EIF3H: variants seen among roughly 807,000 people sequenced by gnomAD.
The protein encoded by EIF3H is eIF-3-gamma.
A neutral mutation model predicts 44.2 loss-of-function variants in EIF3H; 26 were observed. The observed-to-expected ratio is 0.59, with a 90% CI of 0.43 to 0.82. EIF3H has a LOEUF of 0.82. Ranked by LOEUF, EIF3H falls within the 40% of genes least tolerant of loss-of-function variation. EIF3H has a pLI of 0.00. For synonymous variants in EIF3H, 166 were observed against 151.9 expected (o/e 1.09, Z -0.68); for missense variants, 359 against 432.8 (o/e 0.83, Z 1.51).
intron 1 of EIF3H, among the ~76,000 whole-genome samples, chr8:116,739,457 T>C (rs201857545): frequency 6.6e-6 from 1 of 152,174 alleles, no homozygotes; most frequent in Non-Finnish European, 1.5e-5. Context: ...GAGACCATCC[T>C]GGCTAAAACG....
At chr8:116,746,543 G>C (rs922373660) in intron 1 of EIF3H, among the ~76,000 whole-genome samples, 1 of 152,266 alleles carries the variant, frequency 6.6e-6, no homozygotes. Flanking sequence ...AGTCAAGGAT[G>C]GCTAGATGTG....
At chr8:116,703,470 C>T (rs1691080012) in intron 2 of EIF3H, among the ~76,000 whole-genome samples, 1 of 152,234 alleles carries the variant, frequency 6.6e-6, no homozygotes, top group Non-Finnish European at 1.5e-5. Flanking sequence ...CCCTGTGATG[C>T]TGTGCTTCAG....
At chr8:116,738,709 C>A (rs566252244) in intron 1 of EIF3H, among the ~76,000 whole-genome samples, 3 of 152,158 alleles carry the variant, frequency 2.0e-5, no homozygotes, top group African/African-American at 7.2e-5. Flanking sequence ...TAATTAGGGA[C>A]GGAAGTAATT....
intron 2 of EIF3H, among the ~76,000 whole-genome samples, chr8:116,689,736 A>G (rs543661141): frequency 4.6e-5 from 7 of 152,316 alleles, no homozygotes; most frequent in Admixed American, 2.6e-4. Context: ...ACTAAAACCA[A>G]TGCATTGCTA....
At chr8:116,660,602 G>C (rs1427335480) in intron 2 of EIF3H, among the ~76,000 whole-genome samples, 1 of 152,140 alleles carries the variant, frequency 6.6e-6, no homozygotes, top group African/African-American at 2.4e-5. Flanking sequence ...ACTATCTGAA[G>C]AGACTTTCTT....
At chr8:116,741,044 CTCT>C (rs1180273260) in intron 1 of EIF3H, among the ~76,000 whole-genome samples, 4 of 152,170 alleles carry the variant, frequency 2.6e-5, no homozygotes, top group Admixed American at 6.5e-5. Context: ...TTCACCTCTT[CTCT>C]TTTTTCCTTT....
At chr8:116,745,310 A>G (rs921389234) in intron 1 of EIF3H, among the ~76,000 whole-genome samples, 23 of 152,250 alleles carry the variant, frequency 1.5e-4, no homozygotes, top group African/African-American at 5.5e-4. Context: ...TCAACAATGT[A>G]AGAAATTACC....
chr8:116,735,653 C>T (rs1468956894), intron 1 of EIF3H, among the ~76,000 whole-genome samples: 1 of 152,008 alleles, frequency 6.6e-6, no homozygotes, highest in East Asian at 1.9e-4. Context: ...TAAGCCAAAA[C>T]ACCACCACCA....
intron 2 of EIF3H, among the ~76,000 whole-genome samples, chr8:116,704,034 A>T (rs1814427917): frequency 6.6e-6 from 1 of 152,164 alleles, no homozygotes; most frequent in Non-Finnish European, 1.5e-5. Flanking sequence ...CTCCTGCCTT[A>T]GGGGACTTAA....
intron 1 of EIF3H, among the ~76,000 whole-genome samples, chr8:116,760,924 T>C (rs1237619379): frequency 1.3e-5 from 2 of 152,234 alleles, no homozygotes; most frequent in African/African-American, 4.8e-5. Flanking sequence ...TTAAACTTCT[T>C]TAAGTAACAG....
At chr8:116,668,214 A>G (rs1473112812) in intron 2 of EIF3H, among the ~76,000 whole-genome samples, 3 of 152,242 alleles carry the variant, frequency 2.0e-5, no homozygotes, top group African/African-American at 7.2e-5. Flanking sequence ...GAAAATGCTC[A>G]TGAGGTGCTA....
intron 2 of EIF3H, among the ~76,000 whole-genome samples, chr8:116,700,971 A>G (rs1021052079): frequency 3.3e-5 from 5 of 152,186 alleles, no homozygotes; most frequent in African/African-American, 1.2e-4. Flanking sequence ...TTCTGGTCTA[A>G]ATTTATATTG....
At chr8:116,689,223 A>C in intron 2 of EIF3H, 1 of 341,578 alleles carries the variant, frequency 2.9e-6, no homozygotes, top group South Asian at 2.2e-5. Flanking sequence ...TTATCTAGAA[A>C]GGGCAAACTC....
At chr8:116,757,275 T>TGAGA (rs200065010), upstream of EIF3H, among the ~76,000 whole-genome samples, 9 of 148,958 alleles carry the variant, frequency 6.0e-5, no homozygotes, top group East Asian at 2.0e-4. Flanking sequence ...GAGGTACAAC[T>TGAGA]GAGAGAGAGA....
intron 1 of EIF3H, chr8:116,734,482 C>CT (rs1815000249): frequency 2.3e-6 from 1 of 431,000 alleles, no homozygotes; most frequent in Admixed American, 2.7e-5. Context: ...TGGATAAGCA[C>CT]TAGGGTGGGA....
At chr8:116,727,568 T>C (rs1814867480) in intron 1 of EIF3H, among the ~76,000 whole-genome samples, 1 of 152,180 alleles carries the variant, frequency 6.6e-6, no homozygotes, top group Non-Finnish European at 1.5e-5. Context: ...TAAACACAGG[T>C]TTGTGTGAGA....
upstream of EIF3H, chr8:116,755,859 G>T (rs946761887): frequency 3.9e-5 from 63 of 1,598,090 alleles, no homozygotes; most frequent in Middle Eastern, 1.6e-4. Flanking sequence ...TACAAGTCTC[G>T]CGTGACGTCA....
chr8:116,752,754 AGGG>A (rs1563663126), intron 1 of EIF3H, among the ~76,000 whole-genome samples: 140 of 10,164 alleles, frequency 0.014, no homozygotes, highest in African/African-American at 0.033. Flanking sequence ...AGAAAGAAAG[AGGG>A]AGGGAGGGAG....
At chr8:116,700,369 T>C (rs988809555) in intron 2 of EIF3H, among the ~76,000 whole-genome samples, 1 of 152,196 alleles carries the variant, frequency 6.6e-6, no homozygotes, top group South Asian at 2.1e-4. Flanking sequence ...AAACACAAAT[T>C]CGTAAACTTT....
Sources: gnomAD v4.1 joint callset for allele counts (sites outside exome capture counted in the v4.1 genomes callset) on GRCh38, gnomAD v4.1.1 for gene constraint, MANE v1.5 for transcripts, NCBI Gene and HGNC (gene_info 2026-07-23, HGNC 2026-07-21) for gene names.